The following CDH13 variants were observed in gnomAD, a reference collection of about 807,000 sequenced individuals.
CDH13 encodes cadherin-13.
In CDH13, 24 loss-of-function variants were observed where a neutral mutation model predicts 63.8. That is an observed-to-expected ratio of 0.38 (90% CI 0.27 to 0.53). The LOEUF is 0.53. Among genes scored for constraint, CDH13 ranks in the 20% least tolerant of loss-of-function variants. The pLI is 0.85. For synonymous variants in CDH13, 503 were observed against 355.3 expected (o/e 1.42, Z -4.67); for missense variants, 1,049 against 903.1 (o/e 1.16, Z -2.07).
In CDH13 at chr16:83,125,376, C is replaced by T; in HGVS notation, c.367-9C>T. The T allele has an allele frequency of 2.1e-6, 3 of 1,413,050 alleles. No homozygotes were observed. The highest frequency in any genetic ancestry group is 1.4e-5 in the African/African-American group (1 of 71,090). 87.5% of individuals were successfully genotyped at this position (1,413,050 alleles called of 1,614,324 possible). On this transcript the variant is annotated splice_polypyrimidine_tract_variant and intron_variant, in intron 3 of 13. Transcript: ENST00000567109. ...AGATTTTAATCAATCCTTTTGTTTT[C>T]CCTTTTAGGATATATTTAAATTTGC... is the stretch of plus-strand genomic sequence containing the variant.
In CDH13 at chr16:83,674,666, G is replaced by T. The variant is rs1280012981; in HGVS notation, c.1285-3542G>T. On this transcript the variant is annotated intron_variant, in intron 9 of 13. Coordinates refer to ENST00000567109, the MANE Select transcript of CDH13 (RefSeq NM_001257.5). ...ATCCAACATACAGAAGAACTATTTGGAGTCTCAGGATGCTGCTGGTTTCCA... is the reference window on the plus strand; with the variant it reads ...ATCCAACATACAGAAGAACTATTTGTAGTCTCAGGATGCTGCTGGTTTCCA... 3.3e-5 allele frequency among the ~76,000 whole-genome samples: 5 copies of T among 152,168 alleles called. No individual in the cohort carries two copies. The East Asian group carries it at 9.6e-4, about 29-fold the overall frequency.
At chr16:82,702,533 G>C (rs2031125633) in intron 1 of CDH13, among the ~76,000 whole-genome samples, 1 of 152,132 alleles carries the variant, frequency 6.6e-6, no homozygotes, top group Non-Finnish European at 1.5e-5. Context: ...GAAGTTAATG[G>C]AGGTTTTCTG....
intron 2 of CDH13, among the ~76,000 whole-genome samples, chr16:82,978,949 G>A (rs1318506233): frequency 6.6e-6 from 1 of 152,190 alleles, no homozygotes; most frequent in African/African-American, 2.4e-5. Flanking sequence ...CAGCCGGGAG[G>A]GGGGTTGTAC....
intron 3 of CDH13, among the ~76,000 whole-genome samples, chr16:83,093,736 A>G (rs767670679): frequency 2.6e-5 from 4 of 151,998 alleles, no homozygotes; most frequent in Non-Finnish European, 5.9e-5. Context: ...TTGTACCTCC[A>G]CTCCCTTCTT....
At chr16:83,166,599 G>A (rs951609255) in intron 4 of CDH13, among the ~76,000 whole-genome samples, 8 of 152,112 alleles carry the variant, frequency 5.3e-5, no homozygotes, top group Non-Finnish European at 7.4e-5. Flanking sequence ...GGTTGGGACA[G>A]CAGTTCAGAG....
chr16:83,536,688 A>G (rs1443520237), intron 7 of CDH13, among the ~76,000 whole-genome samples: 1 of 152,186 alleles, frequency 6.6e-6, no homozygotes, highest in Non-Finnish European at 1.5e-5. Context: ...TTGAGTGTTA[A>G]GGGGAGATGG....
intron 8 of CDH13, among the ~76,000 whole-genome samples, chr16:83,630,774 C>A (rs1910710830): frequency 6.6e-6 from 1 of 152,122 alleles, no homozygotes; most frequent in Non-Finnish European, 1.5e-5. Flanking sequence ...GAGTAAAGAT[C>A]TTGAGGCCCA....
In CDH13 at chr16:82,737,659, C is replaced by G. The variant is rs980181598; in HGVS notation, c.45+110522C>G. 2.0e-5 allele frequency among the ~76,000 whole-genome samples: 3 copies of G among 152,280 alleles called. No homozygotes were observed. The South Asian group carries it at 6.2e-4, about 32-fold the overall frequency. The stretch of plus-strand genomic sequence containing the variant: ...GCTCTGTTTGATTTTTGACTGATGA[C>G]CCCAGACACAGAGATTTGGCCTGGC... On this transcript the variant is annotated intron_variant, in intron 1 of 13. Coordinates refer to ENST00000567109, the MANE Select transcript of CDH13 (RefSeq NM_001257.5).
intron 5 of CDH13, among the ~76,000 whole-genome samples, chr16:83,219,970 G>A (rs2039648090): frequency 6.6e-6 from 1 of 152,198 alleles, no homozygotes; most frequent in Admixed American, 6.5e-5. Flanking sequence ...GATAACACCA[G>A]CACAGGGTCA....
chr16:82,998,920 T>C (rs972009571), intron 2 of CDH13, among the ~76,000 whole-genome samples: 1 of 147,322 alleles, frequency 6.8e-6, no homozygotes, highest in Non-Finnish European at 1.5e-5. Context: ...TCACCAACAC[T>C]TTTCTTGTTA....
At chr16:83,793,806 T>A (rs1328344684) in intron 13 of CDH13, among the ~76,000 whole-genome samples, 1 of 116,554 alleles carries the variant, frequency 8.6e-6, no homozygotes, top group Non-Finnish European at 1.8e-5. Flanking sequence ...AGTGAGACTC[T>A]GTCTCTAAAA....
At chr16:83,181,417 A>G (rs1329321467) in intron 4 of CDH13, among the ~76,000 whole-genome samples, 1 of 152,166 alleles carries the variant, frequency 6.6e-6, no homozygotes, top group Non-Finnish European at 1.5e-5. Flanking sequence ...GTGCCCCATA[A>G]AGGAACCACT....
At chr16:82,762,944 T>G (rs2034909327) in intron 1 of CDH13, among the ~76,000 whole-genome samples, 1 of 152,204 alleles carries the variant, frequency 6.6e-6, no homozygotes, top group Admixed American at 6.5e-5. Flanking sequence ...CTCCTATGCT[T>G]TCCGGGAGGT....
chr16:83,391,210 CTTT>C (rs372320805), intron 6 of CDH13, among the ~76,000 whole-genome samples: 1 of 144,540 alleles, frequency 6.9e-6, no homozygotes, highest in Non-Finnish European at 1.5e-5. Context: ...TGCCTACACA[CTTT>C]TTTTTTTTTT....
intron 3 of CDH13, among the ~76,000 whole-genome samples, chr16:83,103,676 C>T (rs2034626381): frequency 6.6e-6 from 1 of 152,168 alleles, no homozygotes; most frequent in African/African-American, 2.4e-5. Flanking sequence ...TTACGTATGT[C>T]CTTGAGCAGA....
intron 7 of CDH13, among the ~76,000 whole-genome samples, chr16:83,576,971 C>G (rs1168523049): frequency 6.6e-6 from 1 of 152,126 alleles, no homozygotes; most frequent in Non-Finnish European, 1.5e-5. Flanking sequence ...TTTATAATGT[C>G]CACTTCATTG....
At chr16:83,701,288 T>A (rs142730167) in intron 10 of CDH13, among the ~76,000 whole-genome samples, 1 of 152,198 alleles carries the variant, frequency 6.6e-6, no homozygotes, top group Admixed American at 6.5e-5. Context: ...GGCAGCCGAA[T>A]GGGGCCATCG....
chr16:83,237,841 A>G (rs1420622012), intron 5 of CDH13, among the ~76,000 whole-genome samples: 3 of 152,258 alleles, frequency 2.0e-5, no homozygotes, highest in African/African-American at 7.2e-5. Flanking sequence ...TGGGCAAATA[A>G]TAAATACTTG....
At chr16:83,122,545 T>C (rs1346338730) in intron 3 of CDH13, among the ~76,000 whole-genome samples, 5 of 152,254 alleles carry the variant, frequency 3.3e-5, no homozygotes, top group Admixed American at 2.0e-4. Context: ...TAACAACACG[T>C]TTCCCTTGAC....
Sources: allele counts gnomAD v4.1 joint callset (sites outside exome capture counted in the v4.1 genomes callset), GRCh38; gene constraint gnomAD v4.1.1; transcripts MANE v1.5; gene names NCBI Gene and HGNC (gene_info 2026-07-23, HGNC 2026-07-21).